The following SHROOM3 variants were observed in gnomAD, a reference collection of about 807,000 sequenced individuals.
The protein encoded by SHROOM3 is shroom family member 3, also known as protein Shroom3.
In SHROOM3, 47 loss-of-function variants were observed where a neutral mutation model predicts 138.6. That is an observed-to-expected ratio of 0.34 (90% CI 0.27 to 0.43). The LOEUF is 0.43. Ranked by LOEUF, SHROOM3 falls within the 20% of genes least tolerant of loss-of-function variation. The pLI, the probability that SHROOM3 is intolerant of heterozygous loss-of-function variation, is 1.00. For synonymous variants in SHROOM3, 1,062 were observed against 1,063.3 expected (o/e 1.00, Z 0.02); for missense variants, 2,491 against 2,596.5 (o/e 0.96, Z 0.88).
intron 2 of SHROOM3, among the ~76,000 whole-genome samples, chr4:76,678,007 G>A (rs942697464): frequency 1.3e-5 from 2 of 152,170 alleles, no homozygotes; most frequent in East Asian, 1.9e-4. Context: ...AAGAGTTATC[G>A]TGGTGGTTAC....
intron 1 of SHROOM3, among the ~76,000 whole-genome samples, chr4:76,441,700 G>C (rs1730694688): frequency 6.6e-6 from 1 of 151,942 alleles, no homozygotes; most frequent in East Asian, 1.9e-4. Flanking sequence ...TATCTCCCCA[G>C]TGGCTTTATT....
intron 2 of SHROOM3, chr4:76,559,632 G>A (rs1383404959): frequency 6.6e-6 from 1 of 152,124 alleles, no homozygotes; most frequent in Non-Finnish European, 1.5e-5. Flanking sequence ...TTGGCTGGGC[G>A]AGGGCGGCAC....
At chr4:76,717,002 A>G (rs1170478511) in intron 3 of SHROOM3, among the ~76,000 whole-genome samples, 2 of 152,208 alleles carry the variant, frequency 1.3e-5, no homozygotes, top group Non-Finnish European at 2.9e-5. Context: ...TATTTCTTGC[A>G]AGGCAAGTCT....
chr4:76,547,165 C>T (rs1231234955), intron 1 of SHROOM3, among the ~76,000 whole-genome samples: 1 of 152,174 alleles, frequency 6.6e-6, no homozygotes, highest in Non-Finnish European at 1.5e-5. Flanking sequence ...TGTTGAGTGT[C>T]AGGTTTCTTG....
chr4:76,503,037 AT>A (rs978958934), intron 1 of SHROOM3, among the ~76,000 whole-genome samples: 1 of 152,008 alleles, frequency 6.6e-6, no homozygotes. Context: ...TACAATCTTG[AT>A]TATTATGGCT....
intron 1 of SHROOM3, among the ~76,000 whole-genome samples, chr4:76,495,725 A>G (rs971149215): frequency 6.6e-6 from 1 of 152,176 alleles, no homozygotes; most frequent in Non-Finnish European, 1.5e-5. Flanking sequence ...AACATTGGTG[A>G]AGGTCTGATG....
At position 76,583,028 on chromosome 4, in the gene SHROOM3, A is replaced by T. The variant is rs1223692773; in HGVS notation, c.323+27265A>T. On this transcript the variant is annotated intron_variant, in intron 2 of 10. Transcript: ENST00000296043. The stretch of plus-strand genomic sequence containing the variant: ...CAAGATGTTTGTGAGAGCATTCCAC[A>T]TGAGGAACAGATGCGTTTGTTTTTG... Among the ~76,000 whole-genome samples, 4 of 152,224 alleles carry T rather than the reference A, an allele frequency of 2.6e-5. No homozygotes were observed. The South Asian group carries it at 8.3e-4, about 32-fold the overall frequency.
chr4:76,438,999 A>G (rs1296766330), intron 1 of SHROOM3, among the ~76,000 whole-genome samples: 4 of 152,204 alleles, frequency 2.6e-5, no homozygotes, highest in African/African-American at 9.6e-5. Flanking sequence ...GTAACAAATT[A>G]CTACAAACTT....
intron 1 of SHROOM3, among the ~76,000 whole-genome samples, chr4:76,483,348 A>G (rs961126105): frequency 1.3e-5 from 2 of 152,244 alleles, no homozygotes; most frequent in Non-Finnish European, 2.9e-5. Context: ...ATATGAACAG[A>G]CATTTCTCAA....
At chr4:76,627,860 T>C (rs2110070591) in intron 2 of SHROOM3, among the ~76,000 whole-genome samples, 1 of 152,238 alleles carries the variant, frequency 6.6e-6, no homozygotes, top group Non-Finnish European at 1.5e-5. Context: ...TACTAACTTT[T>C]ATTCACGAAG....
At chr4:76,652,801 G>A (rs1388542031) in intron 2 of SHROOM3, among the ~76,000 whole-genome samples, 2 of 151,910 alleles carry the variant, frequency 1.3e-5, no homozygotes, top group South Asian at 2.1e-4. Flanking sequence ...GTATAAGTGT[G>A]TGTGTGTATA....
At chr4:76,735,836 T>C (rs1320188307) in intron 4 of SHROOM3, among the ~76,000 whole-genome samples, 3 of 53,540 alleles carry the variant, frequency 5.6e-5, no homozygotes, top group Admixed American at 2.8e-4. Flanking sequence ...CGAGACTCTA[T>C]CTTAAAAAAA....
intron 1 of SHROOM3, among the ~76,000 whole-genome samples, chr4:76,544,358 G>A (rs927400398): frequency 6.9e-6 from 1 of 144,342 alleles, no homozygotes; most frequent in East Asian, 2.0e-4. Flanking sequence ...TAACCATGTT[G>A]ACTTTTTGGG....
chr4:76,658,919 T>A (rs1334314309), intron 2 of SHROOM3, among the ~76,000 whole-genome samples: 1 of 152,004 alleles, frequency 6.6e-6, no homozygotes, highest in Non-Finnish European at 1.5e-5. Flanking sequence ...TCATAGTAAA[T>A]CTTTTTTTGG....
intron 2 of SHROOM3, among the ~76,000 whole-genome samples, chr4:76,592,378 C>T (rs2110049686): frequency 6.6e-6 from 1 of 152,294 alleles, no homozygotes; most frequent in East Asian, 1.9e-4. Context: ...CTATAGAGTG[C>T]CTAGCACACA....
At chr4:76,635,612 G>A (rs1453023753) in intron 2 of SHROOM3, among the ~76,000 whole-genome samples, 1 of 152,140 alleles carries the variant, frequency 6.6e-6, no homozygotes, top group South Asian at 2.1e-4. Flanking sequence ...GGTCTGAAAG[G>A]CCTCTGGAGA....
At chr4:76,598,248 G>A (rs140622247) in intron 2 of SHROOM3, among the ~76,000 whole-genome samples, 1 of 151,800 alleles carries the variant, frequency 6.6e-6, no homozygotes, top group African/African-American at 2.4e-5. Flanking sequence ...GGATGGTCTC[G>A]ATCTCCTGAC....
At chr4:76,627,940 A>G (rs1012531111) in intron 2 of SHROOM3, among the ~76,000 whole-genome samples, 6 of 152,188 alleles carry the variant, frequency 3.9e-5, no homozygotes, top group Admixed American at 2.0e-4. Flanking sequence ...GTTAGTTCCT[A>G]TAATTCAACA....
At chr4:76,440,028 T>G (rs1730636576) in intron 1 of SHROOM3, among the ~76,000 whole-genome samples, 1 of 152,226 alleles carries the variant, frequency 6.6e-6, no homozygotes, top group Non-Finnish European at 1.5e-5. Flanking sequence ...ATGATTTTAT[T>G]ATGATTCACT....
Sources: gnomAD v4.1 joint callset for allele counts (sites outside exome capture counted in the v4.1 genomes callset) on GRCh38, gnomAD v4.1.1 for gene constraint, MANE v1.5 for transcripts, NCBI Gene and HGNC (gene_info 2026-07-23, HGNC 2026-07-21) for gene names.